The following DOCK3 variants were observed in gnomAD, a reference collection of about 807,000 sequenced individuals.
DOCK3 encodes the protein dedicator of cytokinesis protein 3.
DOCK3 carries 60 observed loss-of-function variants against 265.6 expected under a neutral mutation model. The ratio of observed to expected loss-of-function variants is 0.23; its 90% CI spans 0.18 to 0.28. DOCK3 has a LOEUF of 0.28. Among genes scored for constraint, DOCK3 ranks in the 10% least tolerant of loss-of-function variants. The pLI, the probability that DOCK3 is intolerant of heterozygous loss-of-function variation, is 1.00. For missense variants in DOCK3, 1,981 were observed against 2,594.3 expected (o/e 0.76, Z 5.14); for synonymous variants, 881 against 938.0 (o/e 0.94, Z 1.11).
rs2082885971 is a variant in DOCK3, at chr3:51,097,044, C to T, written c.746+6660C>T. ...CTCTCCTGTATGAGGTGTCTGTCGA[C>T]CCCTGCTGGGAGGTGTCTCCCAGTC... On this transcript the variant is annotated intron_variant, in intron 9 of 52. Coordinates refer to ENST00000266037, the MANE Select transcript of DOCK3 (RefSeq NM_004947.5). 2.0e-5 allele frequency among the ~76,000 whole-genome samples: 3 copies of T among 152,232 alleles called. No individual in the cohort carries two copies. In the South Asian group the frequency reaches 6.2e-4, roughly 32 times the overall value.
chr3:50,886,692 T>C (rs914642085), intron 3 of DOCK3, among the ~76,000 whole-genome samples: 11 of 151,994 alleles, frequency 7.2e-5, no homozygotes, highest in African/African-American at 2.7e-4. Flanking sequence ...GATAGTTTAC[T>C]GAGAATGATG....
chr3:51,089,245 T>C lies in DOCK3; in HGVS notation c.552T>C (p.His184=), dbSNP rs1576029410. ...QISVSDLYKM[H]LSSRQSVQQS... ...TTTTTCTTTCCTTCTTTCCATAGCATTTATCTAGCCGGCAGAGTGTACAGC... is the reference window on the plus strand; with the variant it reads ...TTTTTCTTTCCTTCTTTCCATAGCACTTATCTAGCCGGCAGAGTGTACAGC... Residue 184 remains histidine, a splice_region_variant and synonymous_variant, in exon 8 of 53, where the codon CAT becomes CAC. Transcript: ENST00000266037. 6.2e-7 allele frequency: 1 copy of C among 1,607,950 alleles called. No homozygotes were observed. Among genetic ancestry groups the C allele is most frequent in the East Asian group, 2.2e-5 (1 of 44,814 alleles).
chr3:51,101,082 G>A (rs2109724015), intron 9 of DOCK3, among the ~76,000 whole-genome samples: 2 of 151,380 alleles, frequency 1.3e-5, no homozygotes, highest in East Asian at 3.9e-4. Context: ...TGGGATTATG[G>A]GCATGAGCTA....
chr3:51,114,768 A>G (rs942212972), intron 9 of DOCK3, among the ~76,000 whole-genome samples: 1 of 152,052 alleles, frequency 6.6e-6, no homozygotes, highest in Non-Finnish European at 1.5e-5. Context: ...CCTGTCATTT[A>G]CATTAGGTAT....
intron 1 of DOCK3, among the ~76,000 whole-genome samples, chr3:50,716,888 T>C (rs946583188): frequency 6.6e-6 from 1 of 152,198 alleles, no homozygotes; most frequent in Non-Finnish European, 1.5e-5. Context: ...TCTCTACTTT[T>C]TCCACGGTTG....
rs546048580 is a variant in DOCK3, at chr3:51,333,198, G to A, written c.3556G>A (p.Gly1186Ser). ...TGAACAAGAAACATGGCGCGAGACC[G>A]GCATTTCCTTTGTGACCTCAGTCAC... ...KVEQETWRETGISFVTSVTRL... is the reference protein window; with the variant it reads ...KVEQETWRETSISFVTSVTRL... The change falls in exon 35 of 53, where the codon GGC becomes AGC. Residue 1186 changes from glycine (G) to serine (S), a missense_variant. Gly to Ser is a moderately conservative substitution (Grantham distance 56). Transcript: ENST00000266037. 1.2e-5 allele frequency: 19 copies of A among 1,613,846 alleles called. No homozygotes were observed. The highest frequency in any genetic ancestry group is 6.7e-5 in the Admixed American group (4 of 60,030).
chr3:50,800,763 TATG>T (rs1174565568), intron 2 of DOCK3, among the ~76,000 whole-genome samples: 2 of 152,136 alleles, frequency 1.3e-5, no homozygotes, highest in Admixed American at 1.3e-4. Flanking sequence ...CATTAGGTTA[TATG>T]AAATCTTTCT....
chr3:51,161,079 G>GAAAA (rs1436786447), intron 12 of DOCK3, among the ~76,000 whole-genome samples: 2 of 52,990 alleles, frequency 3.8e-5, no homozygotes, highest in Non-Finnish European at 4.4e-5. Flanking sequence ...CCGTTTCAAA[G>GAAAA]AAAAAAAAAA....
intron 5 of DOCK3, among the ~76,000 whole-genome samples, chr3:50,975,797 T>C (rs2077424062): frequency 6.6e-6 from 1 of 151,936 alleles, no homozygotes; most frequent in South Asian, 2.1e-4. Context: ...TGGTAAGCTA[T>C]TGATTATTGC....
At chr3:50,687,140 C>T (rs1222425284) in intron 1 of DOCK3, among the ~76,000 whole-genome samples, 2 of 149,588 alleles carry the variant, frequency 1.3e-5, no homozygotes, top group Non-Finnish European at 3.0e-5. Context: ...CACTTGAACC[C>T]GGGAGGTGGA....
At chr3:51,211,060 GTTTAT>G (rs1458699759) in intron 13 of DOCK3, among the ~76,000 whole-genome samples, 2 of 152,006 alleles carry the variant, frequency 1.3e-5, no homozygotes, top group Non-Finnish European at 2.9e-5. Flanking sequence ...CAAGTTTTCT[GTTTAT>G]TTTAAAATGA....
intron 1 of DOCK3, among the ~76,000 whole-genome samples, chr3:50,690,579 C>G (rs1397877046): frequency 6.6e-6 from 1 of 152,156 alleles, no homozygotes; most frequent in Non-Finnish European, 1.5e-5. Flanking sequence ...CCCCTCACCC[C>G]CAACCCCTGG....
At chr3:50,786,485 C>T (rs1296056216) in intron 2 of DOCK3, among the ~76,000 whole-genome samples, 6 of 152,240 alleles carry the variant, frequency 3.9e-5, no homozygotes, top group South Asian at 2.1e-4. Flanking sequence ...ACTAAAGAAA[C>T]GCCCACCATT....
chr3:51,309,103 C>G (rs1023862552), intron 27 of DOCK3, among the ~76,000 whole-genome samples: 2 of 148,146 alleles, frequency 1.4e-5, no homozygotes, highest in East Asian at 2.0e-4. Flanking sequence ...TTCCAGACTG[C>G]GCAGCCAGGC....
chr3:51,360,444 T>A (rs2086650932), intron 46 of DOCK3, 67 bp from the exon 47 acceptor site: 1 of 1,535,436 alleles, frequency 6.5e-7, no homozygotes, highest in Non-Finnish European at 8.8e-7. Context: ...AGTCAGTTAT[T>A]CCCTCACATC....
intron 5 of DOCK3, among the ~76,000 whole-genome samples, chr3:51,038,774 CTA>C (rs1161245096): frequency 6.6e-6 from 1 of 152,046 alleles, no homozygotes; most frequent in African/African-American, 2.4e-5. Flanking sequence ...ATGATCCTCT[CTA>C]ATCTTATTTG....
intron 5 of DOCK3, among the ~76,000 whole-genome samples, chr3:51,002,796 C>T (rs1473711581): frequency 6.6e-6 from 1 of 152,218 alleles, no homozygotes; most frequent in African/African-American, 2.4e-5. Context: ...CTCTCTGACC[C>T]ACTTAATGAT....
chr3:50,993,095 A>AG (rs2078167571), intron 5 of DOCK3, among the ~76,000 whole-genome samples: 2 of 152,150 alleles, frequency 1.3e-5, no homozygotes, highest in African/African-American at 2.4e-5. Flanking sequence ...AATTAATGTG[A>AG]GGGGGCAGTT....
intron 2 of DOCK3, among the ~76,000 whole-genome samples, chr3:50,838,803 A>G (rs529920828): frequency 6.6e-6 from 1 of 152,328 alleles, no homozygotes; most frequent in South Asian, 2.1e-4. Context: ...ATATGTAAGA[A>G]ACAAAAATAA....
Sources: allele counts gnomAD v4.1 joint callset (sites outside exome capture counted in the v4.1 genomes callset), GRCh38; gene constraint gnomAD v4.1.1; transcripts MANE v1.5; gene names NCBI Gene and HGNC (gene_info 2026-07-23, HGNC 2026-07-21).